CUBN: variants seen among roughly 807,000 people sequenced by gnomAD.
CUBN encodes the protein cubilin.
Under a neutral mutation model 405.3 loss-of-function variants are expected in CUBN, and 282 were observed. That is an observed-to-expected ratio of 0.70 (90% confidence interval 0.63 to 0.77). The LOEUF (loss-of-function observed/expected upper bound fraction) is 0.77. Among genes scored for constraint, CUBN ranks in the 30% least tolerant of loss-of-function variants. CUBN has a pLI of 0.00. For synonymous variants in CUBN, 1,684 were observed against 1,617.0 expected (o/e 1.04, Z -0.99); for missense variants, 4,514 against 4,475.2 (o/e 1.01, Z -0.25).
chr10:16,838,705 C>T (rs1352065474), intron 62 of CUBN, among the ~76,000 whole-genome samples: 5 of 152,154 alleles, frequency 3.3e-5, no homozygotes, highest in East Asian at 1.9e-4. Context: ...AGTGCAGTGG[C>T]GCGATCTTGG....
At chr10:17,034,642 A>G (rs1564488926) in intron 27 of CUBN, among the ~76,000 whole-genome samples, 1 of 152,228 alleles carries the variant, frequency 6.6e-6, no homozygotes, top group Non-Finnish European at 1.5e-5. Context: ...CAAGATCCCC[A>G]GATGATTCTG....
chr10:16,869,557 T>TGGGGGGGGGG (rs59702069), intron 59 of CUBN, 79 bp downstream of exon 59: 38 of 632,088 alleles, frequency 6.0e-5, no homozygotes, highest in African/African-American at 4.8e-4. Context: ...CAGGTGGGGG[T>TGGGGGGGGGG]GGGGGGGGGG....
rs1588662917 is a variant in CUBN, at chr10:16,933,035, G to A, written c.6124+52C>T. ...ATGCAAGTCTGATGATAATGGACTAGAACTAATTATGTGTCAGGGTTGAAA... is the reference window on the plus strand; with the variant it reads ...ATGCAAGTCTGATGATAATGGACTAAAACTAATTATGTGTCAGGGTTGAAA... On this transcript the variant is annotated intron_variant, in intron 40 of 66. Transcript: ENST00000377833. 3.8e-6 allele frequency: 6 copies of A among 1,563,326 alleles called. No individual in the cohort carries two copies. The East Asian group carries it at 6.7e-5, about 18-fold the overall frequency.
intron 60 of CUBN, among the ~76,000 whole-genome samples, chr10:16,843,978 C>T (rs1839435028): frequency 6.6e-6 from 1 of 152,088 alleles, no homozygotes; most frequent in Non-Finnish European, 1.5e-5. Context: ...AAGTAGAGAC[C>T]TTCCAGACCT....
At chr10:16,869,329 C>A (rs1040762713) in intron 59 of CUBN, among the ~76,000 whole-genome samples, 2 of 151,916 alleles carry the variant, frequency 1.3e-5, no homozygotes, top group Non-Finnish European at 2.9e-5. Context: ...CCATGCCCAG[C>A]TAATTTTTGT....
rs562374248 is a variant in CUBN at position 16,877,095 on chromosome 10, G to A, written c.8908C>T (p.Arg2970Cys). Residue 2970 changes from arginine (R) to cysteine (C), a missense_variant and splice_region_variant, in exon 57 of 67, where the codon CGT (arginine) becomes TGT (cysteine). By Grantham distance (180) the Arg-to-Cys change is radical. Transcript: ENST00000377833. Reference protein sequence around the residue: ...LTFVSFHLEARSAVTGSCVND... With the variant: ...LTFVSFHLEACSAVTGSCVND... ...ACACAGCTTCCCGTCACAGCGGAAC[G>A]AGCTGGAAAAGGCATGGAACAACCG... The A allele has an allele frequency of 3.2e-5, 52 of 1,612,920 alleles. 1 individual carries two copies. The South Asian group carries it at 3.8e-4, about 12-fold the overall frequency.
At chr10:16,896,077 C>G (rs935271372) in intron 54 of CUBN, among the ~76,000 whole-genome samples, 9 of 152,092 alleles carry the variant, frequency 5.9e-5, no homozygotes, top group Non-Finnish European at 1.3e-4. Context: ...TAGTAGTCTA[C>G]CACCATCCAC....
At chr10:17,125,443 A>AC (rs1386463011) in intron 4 of CUBN, among the ~76,000 whole-genome samples, 1 of 152,154 alleles carries the variant, frequency 6.6e-6, no homozygotes, top group Non-Finnish European at 1.5e-5. Context: ...CTCTTTATGA[A>AC]CCCTGTTTTA....
intron 17 of CUBN, among the ~76,000 whole-genome samples, chr10:17,075,672 T>A (rs1439340940): frequency 6.6e-6 from 1 of 151,986 alleles, no homozygotes; most frequent in African/African-American, 2.4e-5. Context: ...TATGATAGAG[T>A]CTGACACAGA....
At position 16,933,391 on chromosome 10, in the gene CUBN, T is replaced by C. The variant is rs187675164; in HGVS notation, c.5927-107A>G. ...CCCTCTACTGAAAAGAAGCAACCAA[T>C]TGAAACAATTTCTCAGAGAAATCAA... On this transcript the variant is annotated intron_variant, in intron 39 of 66. Transcript: ENST00000377833. 2.0e-5 allele frequency: 19 copies of C among 929,014 alleles called. 1 individual carries two copies. The South Asian group carries it at 2.3e-4, about 11-fold the overall frequency. 57.5% of individuals were successfully genotyped at this position (929,014 alleles called of 1,614,324 possible).
intron 22 of CUBN, among the ~76,000 whole-genome samples, chr10:17,061,276 G>T (rs933460986): frequency 1.3e-5 from 2 of 152,026 alleles, no homozygotes; most frequent in Admixed American, 6.6e-5. Flanking sequence ...ACATGCTAAG[G>T]CTTGACTTTC....
At chr10:17,022,343 C>A (rs1294457919) in intron 27 of CUBN, among the ~76,000 whole-genome samples, 2 of 152,172 alleles carry the variant, frequency 1.3e-5, no homozygotes, top group Non-Finnish European at 2.9e-5. Flanking sequence ...TAAACCTAAG[C>A]ATTTTAAGCA....
Position 16,892,482 on chromosome 10 carries a change from T to C in CUBN, c.8599-1955A>G, listed in dbSNP as rs150784900. ...ACACAATTTATCAATAGATAATCTG[T>C]ATATATATTTTATATATATATGTAT... is the stretch of plus-strand genomic sequence containing the variant. On this transcript the variant is annotated intron_variant, in intron 54 of 66. Coordinates refer to ENST00000377833, the MANE Select transcript of CUBN (RefSeq NM_001081.4). 5.5e-3 allele frequency among the ~76,000 whole-genome samples: 837 copies of C among 152,152 alleles called. 5 individuals carry two copies. Among genetic ancestry groups the C allele is most frequent in the African/African-American group, 0.019 (794 of 41,500 alleles).
At chr10:17,036,948 G>T (rs1834916089) in intron 27 of CUBN, among the ~76,000 whole-genome samples, 1 of 152,200 alleles carries the variant, frequency 6.6e-6, no homozygotes, top group African/African-American at 2.4e-5. Context: ...TGGAGTTACA[G>T]TGCCTGCTAG....
chr10:16,839,859 A>T (rs1839288304), intron 62 of CUBN, among the ~76,000 whole-genome samples: 1 of 152,102 alleles, frequency 6.6e-6, no homozygotes, highest in South Asian at 2.1e-4. Context: ...AATGTGGCAC[A>T]TACACACCAT....
chr10:16,969,264 T>C (rs11593686), intron 31 of CUBN, among the ~76,000 whole-genome samples: 20,790 of 151,214 alleles, frequency 0.14, 1,522 homozygotes, highest in Non-Finnish European at 0.16. Flanking sequence ...ATGCATCTAT[T>C]AACAATTCAT....
chr10:16,935,247 G>C (rs1842466711), intron 39 of CUBN, among the ~76,000 whole-genome samples: 2 of 152,088 alleles, frequency 1.3e-5, no homozygotes, highest in Admixed American at 1.3e-4. Flanking sequence ...CAGCATGTAG[G>C]CTCAAGTGAT....
chr10:17,082,645 C>T (rs1440894862), intron 17 of CUBN, among the ~76,000 whole-genome samples: 2 of 152,152 alleles, frequency 1.3e-5, no homozygotes, highest in Non-Finnish European at 2.9e-5. Flanking sequence ...GTCTCGTGAT[C>T]GGAGAGCCAG....
At chr10:16,953,431 A>T (rs1329920174) in intron 32 of CUBN, among the ~76,000 whole-genome samples, 1 of 152,198 alleles carries the variant, frequency 6.6e-6, no homozygotes, top group Non-Finnish European at 1.5e-5. Context: ...CGAGTTGACT[A>T]AGATAGACAT....
Sources: gnomAD v4.1 joint callset for allele counts (sites outside exome capture counted in the v4.1 genomes callset) on GRCh38, gnomAD v4.1.1 for gene constraint, MANE v1.5 for transcripts, NCBI Gene and HGNC (gene_info 2026-07-23, HGNC 2026-07-21) for gene names.